Variants in LRRTM4 observed in about 807,000 individuals in gnomAD.
LRRTM4 encodes the protein leucine-rich repeat transmembrane neuronal protein 4.
In LRRTM4, 25 loss-of-function variants were observed where a neutral mutation model predicts 47.6. The observed-to-expected ratio is 0.53, with a 90% confidence interval of 0.38 to 0.73. The LOEUF (loss-of-function observed/expected upper bound fraction) is 0.73, where lower values mean the gene tolerates loss of function less well. Ranked by LOEUF, LRRTM4 falls within the 30% of genes least tolerant of loss-of-function variation. The pLI is 0.00. For missense variants in LRRTM4, 638 were observed against 713.4 expected (o/e 0.89, Z 1.20); for synonymous variants, 311 against 269.5 (o/e 1.15, Z -1.51).
chr2:76,807,096 T>C (rs936106066), intron 3 of LRRTM4, among the ~76,000 whole-genome samples: 2 of 152,024 alleles, frequency 1.3e-5, no homozygotes, highest in African/African-American at 4.8e-5. Context: ...GGGTGTGTGT[T>C]AACTGCTACA....
At chr2:76,963,482 G>T (rs1009900172) in intron 3 of LRRTM4, among the ~76,000 whole-genome samples, 3 of 150,690 alleles carry the variant, frequency 2.0e-5, no homozygotes, top group African/African-American at 7.3e-5. Flanking sequence ...AACACATATG[G>T]CCAAGAAACC....
intron 3 of LRRTM4, chr2:76,985,882 C>T (rs931410739): frequency 1.3e-5 from 2 of 151,736 alleles, no homozygotes; most frequent in African/African-American, 4.8e-5. Flanking sequence ...TGAATTTGCC[C>T]CACTCTACTC....
At chr2:77,049,117 A>ATT (rs200993543) in intron 3 of LRRTM4, among the ~76,000 whole-genome samples, 37 of 83,600 alleles carry the variant, frequency 4.4e-4, no homozygotes, top group Admixed American at 1.0e-3. Flanking sequence ...ATAATATTTC[A>ATT]TTTTTTATAT....
chr2:77,019,745 C>CTTA (rs1330759985), intron 3 of LRRTM4, among the ~76,000 whole-genome samples: 1 of 151,952 alleles, frequency 6.6e-6, no homozygotes, highest in Non-Finnish European at 1.5e-5. Context: ...ATTAATGATA[C>CTTA]TTATTATGTA....
At chr2:77,240,134 C>G (rs1675217429) in intron 3 of LRRTM4, among the ~76,000 whole-genome samples, 2 of 151,724 alleles carry the variant, frequency 1.3e-5, no homozygotes, top group Admixed American at 6.6e-5. Flanking sequence ...AGAAAACTAT[C>G]TATAAAATTT....
chr2:77,022,360 T>C (rs112231547), intron 3 of LRRTM4, among the ~76,000 whole-genome samples: 8,834 of 152,122 alleles, frequency 0.058, 851 homozygotes, highest in African/African-American at 0.2. Flanking sequence ...CATATCATTC[T>C]TCCCCCTGCC....
intron 3 of LRRTM4, among the ~76,000 whole-genome samples, chr2:77,335,753 AG>A (rs1402965182): frequency 6.6e-6 from 1 of 152,208 alleles, no homozygotes; most frequent in Non-Finnish European, 1.5e-5. Flanking sequence ...GACTTATAGC[AG>A]GCACTCAACA....
At chr2:77,121,717 C>A (rs748160690) in intron 3 of LRRTM4, among the ~76,000 whole-genome samples, 1 of 151,764 alleles carries the variant, frequency 6.6e-6, no homozygotes, top group Non-Finnish European at 1.5e-5. Flanking sequence ...TGACTGTAGT[C>A]CAATTTCCCT....
At chr2:76,831,084 G>A (rs1671337437) in intron 3 of LRRTM4, among the ~76,000 whole-genome samples, 2 of 152,022 alleles carry the variant, frequency 1.3e-5, no homozygotes, top group Admixed American at 6.6e-5. Context: ...CTTGTTTTAA[G>A]GTGATGCTGC....
At chr2:77,152,174 G>T (rs1463674609) in intron 3 of LRRTM4, among the ~76,000 whole-genome samples, 2 of 152,126 alleles carry the variant, frequency 1.3e-5, no homozygotes, top group Non-Finnish European at 1.5e-5. Flanking sequence ...GGCCTGCAAA[G>T]GATGTGAACT....
At chr2:77,296,472 T>C (rs1258289137) in intron 3 of LRRTM4, among the ~76,000 whole-genome samples, 1 of 152,168 alleles carries the variant, frequency 6.6e-6, no homozygotes, top group African/African-American at 2.4e-5. Context: ...GGTATGCCTG[T>C]TAATTTTATC....
At chr2:77,340,022 A>G (rs1036195619) in intron 3 of LRRTM4, among the ~76,000 whole-genome samples, 4 of 152,000 alleles carry the variant, frequency 2.6e-5, no homozygotes, top group African/African-American at 9.7e-5. Flanking sequence ...GAATGCTAGG[A>G]TAAAACAGAT....
At chr2:77,240,170 C>T (rs949359062) in intron 3 of LRRTM4, among the ~76,000 whole-genome samples, 1 of 151,622 alleles carries the variant, frequency 6.6e-6, no homozygotes, top group African/African-American at 2.4e-5. Context: ...TGAAAAAATA[C>T]TCCTAAATAA....
In LRRTM4 at chr2:77,377,905, TA is replaced by T. The variant is rs1672898072; in HGVS notation, c.1551+140412del. Among the ~76,000 whole-genome samples, 3 of 152,162 alleles carry T rather than the reference TA, an allele frequency of 2.0e-5. No individual in the cohort carries two copies. The South Asian group carries it at 6.2e-4, about 32-fold the overall frequency. On this transcript the variant is annotated intron_variant, in intron 3 of 3. Coordinates refer to ENST00000409884, the MANE Select transcript of LRRTM4 (RefSeq NM_001134745.3). Reference sequence around the variant, plus strand: ...TTTTGTCTTTTCACACTGAATTTCTTAAAAAAATCAACCTATTAATCTTTTA... The same window carrying T: ...TTTTGTCTTTTCACACTGAATTTCTTAAAAAATCAACCTATTAATCTTTTA...
intron 3 of LRRTM4, among the ~76,000 whole-genome samples, chr2:76,954,011 G>T (rs964752621): frequency 6.6e-6 from 1 of 151,836 alleles, no homozygotes; most frequent in Non-Finnish European, 1.5e-5. Flanking sequence ...ACGTGCACAA[G>T]CCTGGAGAAA....
chr2:77,476,485 C>T (rs1677392788), intron 3 of LRRTM4, among the ~76,000 whole-genome samples: 1 of 151,980 alleles, frequency 6.6e-6, no homozygotes, highest in African/African-American at 2.4e-5. Context: ...AAGAGGTAAT[C>T]TCTTTGATAA....
chr2:77,130,262 A>T (rs1400903935), intron 3 of LRRTM4, among the ~76,000 whole-genome samples: 2 of 152,170 alleles, frequency 1.3e-5, no homozygotes, highest in Non-Finnish European at 2.9e-5. Context: ...ATGAAAACGC[A>T]ACTTTATTAA....
intron 3 of LRRTM4, among the ~76,000 whole-genome samples, chr2:77,422,503 A>C (rs574884122): frequency 6.6e-6 from 1 of 152,208 alleles, no homozygotes; most frequent in Non-Finnish European, 1.5e-5. Context: ...ATTGCAAAGA[A>C]GTAATACGAG....
At chr2:76,782,687 T>A (rs1674468316) in intron 3 of LRRTM4, among the ~76,000 whole-genome samples, 1 of 152,184 alleles carries the variant, frequency 6.6e-6, no homozygotes, top group South Asian at 2.1e-4. Context: ...GATTTTTTTC[T>A]ATATTTTACA....
Sources: gnomAD v4.1 joint callset for allele counts (sites outside exome capture counted in the v4.1 genomes callset) on GRCh38, gnomAD v4.1.1 for gene constraint, MANE v1.5 for transcripts, NCBI Gene and HGNC (gene_info 2026-07-23, HGNC 2026-07-21) for gene names.